WWOX: variants seen among roughly 807,000 people sequenced by gnomAD.
WWOX encodes the protein WW domain containing oxidoreductase.
A neutral mutation model predicts 46.2 loss-of-function variants in WWOX; 69 were observed. The ratio of observed to expected loss-of-function variants is 1.49; its 90% CI spans 1.23 to 1.82. The LOEUF is 1.82. Ranked by LOEUF, WWOX falls within the 40% of genes most tolerant of loss-of-function variation. The pLI is 0.00. For synonymous variants in WWOX, 359 were observed against 202.6 expected, an observed-to-expected ratio of 1.77 and a Z score of -6.56; for missense variants, 919 against 542.6, an observed-to-expected ratio of 1.69 and a Z score of -6.89.
intron 8 of WWOX, among the ~76,000 whole-genome samples, chr16:78,971,503 G>A (rs1041414346): frequency 1.3e-5 from 2 of 149,942 alleles, no homozygotes; most frequent in Admixed American, 1.3e-4. Flanking sequence ...AACAGGTGTC[G>A]TAGGTCATGT....
chr16:78,210,986 A>G (rs2036542078), intron 5 of WWOX, among the ~76,000 whole-genome samples: 3 of 152,208 alleles, frequency 2.0e-5, no homozygotes, highest in African/African-American at 4.8e-5. Context: ...CTATGAAACA[A>G]ATTTTCTTTA....
intron 5 of WWOX, among the ~76,000 whole-genome samples, chr16:78,297,373 G>A (rs1014850852): frequency 6.6e-6 from 1 of 152,088 alleles, no homozygotes; most frequent in Non-Finnish European, 1.5e-5. Flanking sequence ...ATCATGTAGG[G>A]AGCCTTCCAA....
intron 8 of WWOX, among the ~76,000 whole-genome samples, chr16:78,520,294 A>G (rs1567619185): frequency 6.6e-6 from 1 of 152,172 alleles, no homozygotes; most frequent in African/African-American, 2.4e-5. Context: ...AACGCAGTGA[A>G]TTTTTTAGAT....
At chr16:78,921,152 A>G (rs1597152915) in intron 8 of WWOX, among the ~76,000 whole-genome samples, 2 of 152,216 alleles carry the variant, frequency 1.3e-5, no homozygotes, top group Admixed American at 1.3e-4. Flanking sequence ...TTAAAAAAAC[A>G]TAAGGGAACT....
chr16:78,898,017 T>C (rs983198896), intron 8 of WWOX: 1 of 45,970 alleles, frequency 2.2e-5, no homozygotes, highest in Non-Finnish European at 4.0e-5. Context: ...AGATAGTCTT[T>C]TTAATATTGA....
chr16:78,397,495 C>T (rs779970676), intron 6 of WWOX, among the ~76,000 whole-genome samples: 1 of 152,188 alleles, frequency 6.6e-6, no homozygotes, highest in East Asian at 1.9e-4. Flanking sequence ...CAAGTTCATG[C>T]TAGCTGGTAC....
At chr16:78,673,036 G>A (rs904552477) in intron 8 of WWOX, among the ~76,000 whole-genome samples, 3 of 152,194 alleles carry the variant, frequency 2.0e-5, no homozygotes, top group African/African-American at 7.2e-5. Context: ...CCCGTCAATG[G>A]GGTGAAGGGG....
rs866625396 is a variant in WWOX at position 78,602,644 on chromosome 16, G to C, written c.1056+169892G>C. Among the ~76,000 whole-genome samples, 45 of 152,166 alleles carry C rather than the reference G, an allele frequency of 3.0e-4. 1 individual carries two copies. Among genetic ancestry groups the C allele is most frequent in the African/African-American group, 1.1e-3 (44 of 41,436 alleles). On this transcript the variant is annotated intron_variant, in intron 8 of 8. Coordinates refer to ENST00000566780, the MANE Select transcript of WWOX (RefSeq NM_016373.4). Reference sequence around the variant, plus strand: ...TAAAGTAGCCATATCCTTCCGGCCAGGTTTTTCAAGTGGTTACTCTGTTCT... The same window carrying C: ...TAAAGTAGCCATATCCTTCCGGCCACGTTTTTCAAGTGGTTACTCTGTTCT...
chr16:78,813,660 A>T (rs1438723494), intron 8 of WWOX, among the ~76,000 whole-genome samples: 1 of 152,100 alleles, frequency 6.6e-6, no homozygotes, highest in Non-Finnish European at 1.5e-5. Context: ...AACAGCAACA[A>T]AAGGCCTCCT....
At chr16:78,565,823 G>C (rs901553123) in intron 8 of WWOX, among the ~76,000 whole-genome samples, 3 of 152,180 alleles carry the variant, frequency 2.0e-5, no homozygotes, top group Non-Finnish European at 4.4e-5. Context: ...TCAGTGATGG[G>C]AGTCTTCCTT....
intron 8 of WWOX, among the ~76,000 whole-genome samples, chr16:78,871,357 G>C (rs935011842): frequency 6.6e-6 from 1 of 152,120 alleles, no homozygotes; most frequent in Non-Finnish European, 1.5e-5. Context: ...CTTGAGCCTC[G>C]ATGCCTGGAT....
At chr16:78,858,027 G>C (rs894298238) in intron 8 of WWOX, among the ~76,000 whole-genome samples, 1 of 151,980 alleles carries the variant, frequency 6.6e-6, no homozygotes, top group African/African-American at 2.4e-5. Flanking sequence ...ATTCTAAATT[G>C]ATATTAATAA....
At chr16:78,735,177 C>G (rs922280544) in intron 8 of WWOX, among the ~76,000 whole-genome samples, 2 of 151,934 alleles carry the variant, frequency 1.3e-5, no homozygotes, top group African/African-American at 4.8e-5. Context: ...TGACATCAGT[C>G]TTTTCCTGCC....
chr16:78,622,769 A>C (rs1394686982), intron 8 of WWOX, among the ~76,000 whole-genome samples: 1 of 152,200 alleles, frequency 6.6e-6, no homozygotes, highest in African/African-American at 2.4e-5. Context: ...TGGCAAAGCA[A>C]AGGGATTTTG....
At chr16:78,977,484 A>G (rs1021384981) in intron 8 of WWOX, among the ~76,000 whole-genome samples, 3 of 152,076 alleles carry the variant, frequency 2.0e-5, no homozygotes, top group Non-Finnish European at 1.5e-5. Context: ...CCTGTCCTTT[A>G]CTTTATTTTC....
Position 79,065,853 on chromosome 16 carries a change from G to C in WWOX, c.1057-145755G>C, listed in dbSNP as rs552017734. Among the ~76,000 whole-genome samples, 5 of 105,662 alleles carry C rather than the reference G, an allele frequency of 4.7e-5. No homozygotes were observed. In the South Asian group the frequency reaches 1.4e-3, roughly 29 times the overall value. The allele number at this position is 105,662 out of a possible 152,430, so 69.3% of individuals were successfully genotyped here. A position where few individuals can be genotyped will look rare whatever the true frequency, so the allele number is the denominator to read the frequency against. On this transcript the variant is annotated intron_variant, in intron 8 of 8. Coordinates refer to ENST00000566780, the MANE Select transcript of WWOX (RefSeq NM_016373.4). ...CTAGAAGCAAGATGGAGTCAGCTAT[G>C]CTGTCATATTCCTCTTATGGTCACA...
intron 8 of WWOX, among the ~76,000 whole-genome samples, chr16:78,705,699 T>G (rs2048314765): frequency 6.6e-6 from 1 of 152,258 alleles, no homozygotes; most frequent in South Asian, 2.1e-4. Context: ...TTTATTTGCT[T>G]TTTTACTTCC....
intron 8 of WWOX, among the ~76,000 whole-genome samples, chr16:78,744,871 A>T (rs2049311829): frequency 6.6e-6 from 1 of 152,174 alleles, no homozygotes; most frequent in Non-Finnish European, 1.5e-5. Context: ...GTAAGCAAAG[A>T]AGAGCAACAC....
At chr16:78,171,104 G>C (rs1238577163) in intron 5 of WWOX, among the ~76,000 whole-genome samples, 2 of 152,234 alleles carry the variant, frequency 1.3e-5, no homozygotes, top group Admixed American at 1.3e-4. Flanking sequence ...GGAGCACTCA[G>C]TACCAACCAT....
Sources: allele counts gnomAD v4.1 joint callset (sites outside exome capture counted in the v4.1 genomes callset), GRCh38; gene constraint gnomAD v4.1.1; transcripts MANE v1.5; gene names NCBI Gene and HGNC (gene_info 2026-07-23, HGNC 2026-07-21).